The following ZMIZ1 variants were observed in gnomAD, a reference collection of about 807,000 sequenced individuals.
ZMIZ1 encodes zinc finger MIZ domain-containing protein 1.
In ZMIZ1, 17 loss-of-function variants were observed where a neutral mutation model predicts 113.9. The ratio of observed to expected loss-of-function variants is 0.15; its 90% CI spans 0.10 to 0.22. ZMIZ1 has a LOEUF of 0.22. Among genes scored for constraint, ZMIZ1 ranks in the 10% least tolerant of loss-of-function variants. ZMIZ1 has a pLI of 1.00. For missense variants in ZMIZ1, 1,059 were observed against 1,477.8 expected (o/e 0.72, Z 4.65); for synonymous variants, 607 against 603.1 (o/e 1.01, Z -0.09).
rs749056628 is a variant in ZMIZ1 at position 79,304,090 on chromosome 10, C to T, written c.2201C>T (p.Thr734Met). 4.3e-6 allele frequency: 7 copies of T among 1,614,208 alleles called. No homozygotes were observed. The highest frequency in any genetic ancestry group is 5.9e-6 in the Non-Finnish European group (7 of 1,180,048). ...TLNGEDGVEQ[T>M]AIKVSLKCPI... ...AACGGGGAGGATGGGGTGGAGCAGA[C>T]GGCCATCAAGGTGTCTCTGAAGTGC... Residue 734 changes from threonine (T) to methionine (M), a missense_variant, in exon 19 of 25, where the codon ACG (threonine) becomes ATG (methionine). Thr to Met is a moderately conservative substitution (Grantham distance 81). Coordinates refer to ENST00000334512, the MANE Select transcript of ZMIZ1 (RefSeq NM_020338.4).
chr10:79,129,963 T>A (rs1478050295), intron 2 of ZMIZ1, among the ~76,000 whole-genome samples: 1 of 152,226 alleles, frequency 6.6e-6, no homozygotes, highest in African/African-American at 2.4e-5. Context: ...CTCCCTGGGC[T>A]CTGGGTCAAT....
intron 7 of ZMIZ1, among the ~76,000 whole-genome samples, chr10:79,264,934 A>G (rs573486031): frequency 6.6e-5 from 10 of 152,238 alleles, no homozygotes; most frequent in Admixed American, 6.5e-4. Context: ...TGATAGTGTG[A>G]GGTGGCAGGG....
intron 7 of ZMIZ1, among the ~76,000 whole-genome samples, chr10:79,234,700 C>T (rs897812083): frequency 2.0e-5 from 3 of 152,216 alleles, no homozygotes; most frequent in South Asian, 2.1e-4. Flanking sequence ...TTGGAACCAG[C>T]GTCTTTGCCT....
chr10:79,251,712 G>A (rs1253198998), intron 7 of ZMIZ1, among the ~76,000 whole-genome samples: 1 of 152,244 alleles, frequency 6.6e-6, no homozygotes, highest in Non-Finnish European at 1.5e-5. Context: ...GCTGAGCAAA[G>A]GCTTGTGTCT....
rs1227884608 is a variant in ZMIZ1, at chr10:79,118,492, G to C, written c.-336-423G>C. Among the ~76,000 whole-genome samples, 1 of 152,126 alleles carries C rather than the reference G, an allele frequency of 6.6e-6. No individual in the cohort carries two copies. The highest frequency in any genetic ancestry group is 1.5e-5 in the Non-Finnish European group (1 of 68,030). Reference sequence around the variant, plus strand: ...AAGCAAGGAGGGGCTGGTGAGAGAGGGCTCCACGGAAGCACTTGAGCAGAG... The same window carrying C: ...AAGCAAGGAGGGGCTGGTGAGAGAGCGCTCCACGGAAGCACTTGAGCAGAG... On this transcript the variant is annotated intron_variant, in intron 1 of 24. Coordinates refer to ENST00000334512, the MANE Select transcript of ZMIZ1 (RefSeq NM_020338.4). This position sits in a 1 kb window ranked among gnomAD's most constrained non-coding sequence, Gnocchi z 4.1.
intron 2 of ZMIZ1, among the ~76,000 whole-genome samples, chr10:79,130,232 C>G (rs1844696844): frequency 6.6e-6 from 1 of 152,194 alleles, no homozygotes; most frequent in Admixed American, 6.5e-5. Flanking sequence ...TGCATAAAGT[C>G]AGAATTTTGA....
At chr10:79,294,072 T>G in intron 12 of ZMIZ1, 1 of 268,834 alleles carries the variant, frequency 3.7e-6, no homozygotes, top group South Asian at 4.4e-5. Context: ...GACAAAATGC[T>G]TCCAGTCTAT....
intron 17 of ZMIZ1, among the ~76,000 whole-genome samples, chr10:79,301,333 T>A (rs1288039585): frequency 6.6e-6 from 1 of 152,146 alleles, no homozygotes; most frequent in Non-Finnish European, 1.5e-5. Context: ...TGTCAGCACC[T>A]TTTCCCCCAG....
At chr10:79,183,447 T>A (rs936653045) in intron 4 of ZMIZ1, among the ~76,000 whole-genome samples, 7 of 152,050 alleles carry the variant, frequency 4.6e-5, no homozygotes, top group African/African-American at 1.7e-4. Flanking sequence ...GTTCTCTAGG[T>A]TGATGAGCTC....
At chr10:79,149,334 G>A (rs947475798) in intron 3 of ZMIZ1, among the ~76,000 whole-genome samples, 2 of 152,198 alleles carry the variant, frequency 1.3e-5, no homozygotes, top group African/African-American at 4.8e-5. Context: ...GAGTCCCTCT[G>A]CCCTGGGAGA....
At position 79,296,763 on chromosome 10, in the gene ZMIZ1, G is replaced by T; in HGVS notation, c.1413+110G>T. The stretch of plus-strand genomic sequence containing the variant: ...CCTGCGTGTGTTTGCCCCAAGGACA[G>T]CGAGGGGTGGGTGATTTCTGAACGT... On this transcript the variant is annotated intron_variant, in intron 13 of 24. Transcript: ENST00000334512. The surrounding 1 kb of genome is among the most constrained non-coding windows in gnomAD (Gnocchi z 4.1). 1 of 1,129,504 alleles carries T rather than the reference G, an allele frequency of 8.9e-7. No individual in the cohort carries two copies. The highest frequency in any genetic ancestry group is 1.2e-6 in the Non-Finnish European group (1 of 821,038). 70.0% of individuals were successfully genotyped at this position (1,129,504 alleles called of 1,614,324 possible).
intron 19 of ZMIZ1, 63 bp from the exon 20 acceptor site, chr10:79,305,101 G>A (rs1854591529): frequency 1.3e-6 from 2 of 1,586,550 alleles, no homozygotes; most frequent in African/African-American, 2.7e-5. Flanking sequence ...AAGGGTCCCT[G>A]AGGCACATCT....
intron 4 of ZMIZ1, among the ~76,000 whole-genome samples, chr10:79,196,108 T>A (rs1278891947): frequency 6.6e-6 from 1 of 152,114 alleles, no homozygotes; most frequent in Non-Finnish European, 1.5e-5. Flanking sequence ...AGCCTCCATC[T>A]CCTCCATTCC....
intron 4 of ZMIZ1, among the ~76,000 whole-genome samples, chr10:79,200,334 T>C (rs534672887): frequency 5.3e-5 from 8 of 152,350 alleles, no homozygotes; most frequent in South Asian, 2.1e-4. Context: ...GGACTAGGGC[T>C]GTACAGTCCT....
intron 2 of ZMIZ1, among the ~76,000 whole-genome samples, chr10:79,120,310 C>A (rs1404723549): frequency 2.0e-5 from 3 of 152,242 alleles, no homozygotes; most frequent in Non-Finnish European, 1.5e-5. Context: ...CGTGTTGGAA[C>A]TACACACATA....
intron 8 of ZMIZ1, among the ~76,000 whole-genome samples, chr10:79,282,372 T>C (rs1358484065): frequency 1.3e-5 from 2 of 152,190 alleles, no homozygotes; most frequent in Non-Finnish European, 2.9e-5. Context: ...CCCGCAGGTA[T>C]CTGGCTGTTT....
intron 6 of ZMIZ1, among the ~76,000 whole-genome samples, chr10:79,209,702 GGGAGCC>G (rs1848462664): frequency 6.6e-6 from 1 of 152,264 alleles, no homozygotes. Context: ...GTGCCTGGCA[GGGAGCC>G]GGCCCACAGA....
In ZMIZ1 at chr10:79,075,212, G is replaced by T. The variant is rs879742649; in HGVS notation, c.-337+5942G>T. Among the ~76,000 whole-genome samples the T allele has an allele frequency of 2.3e-3, 350 of 152,286 alleles. 2 individuals are homozygous for T. The highest frequency in any genetic ancestry group is 4.2e-3 in the Non-Finnish European group (285 of 68,016). ...TGTCGTGTTTTTCTGTAGAAACTGAGTATCGCAGACTGTCAGAGTGGACAT... is the reference window on the plus strand; with the variant it reads ...TGTCGTGTTTTTCTGTAGAAACTGATTATCGCAGACTGTCAGAGTGGACAT... On this transcript the variant is annotated intron_variant, in intron 1 of 24. Transcript: ENST00000334512.
rs530823403 is a variant in ZMIZ1, at chr10:79,312,896, C to T, written c.*147C>T. 46 of 696,298 alleles carry T rather than the reference C, an allele frequency of 6.6e-5. No individual in the cohort carries two copies. The Admixed American group carries it at 1.3e-3, about 20-fold the overall frequency. 43.1% of individuals were successfully genotyped at this position (696,298 alleles called of 1,614,324 possible). A position where few individuals can be genotyped will look rare whatever the true frequency, so the allele number is the denominator to read the frequency against. ...CGGGGAGCCCTCCCCCGCTGCAGCCCTCTCAGAACAGAGGGGTAGGGAGGG... is the reference window on the plus strand; with the variant it reads ...CGGGGAGCCCTCCCCCGCTGCAGCCTTCTCAGAACAGAGGGGTAGGGAGGG... On this transcript the variant is annotated 3_prime_UTR_variant, in exon 25 of 25. Transcript: ENST00000334512.
Sources: gnomAD v4.1 joint callset for allele counts (sites outside exome capture counted in the v4.1 genomes callset) on GRCh38, gnomAD v4.1.1 for gene constraint, Gnocchi (gnomAD v3.1) non-coding constraint, MANE v1.5 for transcripts, NCBI Gene and HGNC (gene_info 2026-07-23, HGNC 2026-07-21) for gene names.